TENM4: variants seen among roughly 807,000 people sequenced by gnomAD.
TENM4 encodes teneurin transmembrane protein 4.
In TENM4, 82 loss-of-function variants were observed where a neutral mutation model predicts 243.3. The observed-to-expected ratio is 0.34, with a 90% CI of 0.28 to 0.40. The LOEUF is 0.40. Ranked by LOEUF, TENM4 falls within the 10% of genes least tolerant of loss-of-function variation. The pLI, the probability that TENM4 is intolerant of heterozygous loss-of-function variation, is 1.00. For synonymous variants in TENM4, 1,412 were observed against 1,456.3 expected (o/e 0.97, Z 0.69); for missense variants, 3,138 against 3,673.3 (o/e 0.85, Z 3.77).
chr11:79,141,876 T>C (rs1026070582), intron 4 of TENM4, among the ~76,000 whole-genome samples: 5 of 152,104 alleles, frequency 3.3e-5, no homozygotes, highest in African/African-American at 1.2e-4. Context: ...ATCATATTAA[T>C]AGAATGAAGA....
intron 10 of TENM4, among the ~76,000 whole-genome samples, chr11:78,858,646 T>G (rs1858738272): frequency 6.6e-6 from 1 of 152,136 alleles, no homozygotes; most frequent in African/African-American, 2.4e-5. Context: ...TGTCCTTAAT[T>G]CTGAGCACAA....
chr11:78,875,486 A>T (rs942612217), intron 9 of TENM4, among the ~76,000 whole-genome samples: 1 of 152,178 alleles, frequency 6.6e-6, no homozygotes, highest in East Asian at 1.9e-4. Flanking sequence ...TTACAGGTGT[A>T]AGCCACTGTG....
intron 15 of TENM4, among the ~76,000 whole-genome samples, chr11:78,789,974 A>G (rs1301626225): frequency 2.6e-5 from 4 of 152,200 alleles, no homozygotes; most frequent in Non-Finnish European, 5.9e-5. Flanking sequence ...AATGATGATG[A>G]CAACCACTTC....
intron 1 of TENM4, among the ~76,000 whole-genome samples, chr11:79,346,613 G>C (rs574147602): frequency 6.6e-6 from 1 of 152,166 alleles, no homozygotes; most frequent in East Asian, 1.9e-4. Context: ...CCATGTCCCT[G>C]TTCCCAAAGC....
intron 4 of TENM4, among the ~76,000 whole-genome samples, chr11:79,073,071 T>C (rs1306036459): frequency 6.6e-6 from 1 of 152,210 alleles, no homozygotes; most frequent in East Asian, 1.9e-4. Context: ...CAAGGTTACA[T>C]GGCCCTGGCA....
rs1860502219 is a variant in TENM4, at chr11:79,074,944, TG to T, written c.-65-4936del. On this transcript the variant is annotated intron_variant, in intron 4 of 33. Coordinates refer to ENST00000278550, the MANE Select transcript of TENM4 (RefSeq NM_001098816.3). ...AGCCCAGGCGTCTCACCATCAGGGC[TG>T]GCTCTCAGACCCTGCTGCACCTCCG... is the stretch of plus-strand genomic sequence containing the variant. 2.0e-5 allele frequency among the ~76,000 whole-genome samples: 3 copies of T among 152,336 alleles called. No individual in the cohort carries two copies. The East Asian group carries it at 5.8e-4, about 29-fold the overall frequency.
chr11:78,823,167 G>A (rs1857772808), intron 12 of TENM4, among the ~76,000 whole-genome samples: 1 of 152,188 alleles, frequency 6.6e-6, no homozygotes, highest in Non-Finnish European at 1.5e-5. Context: ...AGAGCACTAG[G>A]CCCTTCTGAG....
intron 26 of TENM4, among the ~76,000 whole-genome samples, chr11:78,709,421 A>G (rs919046351): frequency 1.3e-5 from 2 of 152,280 alleles, no homozygotes; most frequent in African/African-American, 4.8e-5. Flanking sequence ...TCATTACTCA[A>G]CATCACCTGC....
At chr11:79,353,925 G>A (rs867967374) in intron 1 of TENM4, among the ~76,000 whole-genome samples, 18 of 152,284 alleles carry the variant, frequency 1.2e-4, no homozygotes, top group Admixed American at 2.0e-4. Flanking sequence ...GAGCTGAGTC[G>A]TTGTGACAAA....
At chr11:79,254,058 G>A (rs1184647917) in intron 2 of TENM4, among the ~76,000 whole-genome samples, 1 of 152,166 alleles carries the variant, frequency 6.6e-6, no homozygotes, top group African/African-American at 2.4e-5. Flanking sequence ...CAGGAAAGGG[G>A]CATCCTCATA....
chr11:79,086,767 G>C (rs1361183879), intron 4 of TENM4, among the ~76,000 whole-genome samples: 1 of 150,170 alleles, frequency 6.7e-6, no homozygotes, highest in African/African-American at 2.5e-5. Flanking sequence ...CTGAAAGGCG[G>C]AGGTTGCAGT....
chr11:78,802,771 G>T (rs1348003038), intron 15 of TENM4, among the ~76,000 whole-genome samples: 1 of 152,192 alleles, frequency 6.6e-6, no homozygotes, highest in Non-Finnish European at 1.5e-5. Flanking sequence ...CTCAACAAAC[G>T]CCAATTGTTT....
chr11:78,791,318 G>T (rs1003549404), intron 15 of TENM4, among the ~76,000 whole-genome samples: 1 of 152,164 alleles, frequency 6.6e-6, no homozygotes, highest in African/African-American at 2.4e-5. Context: ...TGACATTAAA[G>T]CAGATAAAAT....
At chr11:79,157,157 A>G (rs1262808125) in intron 3 of TENM4, among the ~76,000 whole-genome samples, 1 of 152,190 alleles carries the variant, frequency 6.6e-6, no homozygotes, top group Non-Finnish European at 1.5e-5. Flanking sequence ...TGCAGGACAC[A>G]GAGCCCAGGA....
At chr11:78,869,558 C>T (rs1046348048) in intron 9 of TENM4, among the ~76,000 whole-genome samples, 47 of 152,148 alleles carry the variant, frequency 3.1e-4, no homozygotes, top group African/African-American at 1.1e-3. Flanking sequence ...GCCTTGTGTC[C>T]GACCCCAGAC....
chr11:79,238,502 C>G (rs1359896774), intron 2 of TENM4, among the ~76,000 whole-genome samples: 7 of 152,064 alleles, frequency 4.6e-5, no homozygotes, highest in Non-Finnish European at 1.0e-4. Context: ...GGTTCTCGAG[C>G]CTTTTGACTC....
intron 1 of TENM4, among the ~76,000 whole-genome samples, chr11:79,323,579 G>A (rs1041026801): frequency 5.3e-5 from 8 of 152,174 alleles, no homozygotes; most frequent in African/African-American, 1.2e-4. Context: ...GTACCCAATC[G>A]CTTGGTCAAA....
chr11:79,282,466 T>G (rs1297043530), intron 2 of TENM4, among the ~76,000 whole-genome samples: 1 of 152,228 alleles, frequency 6.6e-6, no homozygotes, highest in Non-Finnish European at 1.5e-5. Flanking sequence ...GGGACTCACA[T>G]CATTATCTTT....
chr11:79,146,492 C>G (rs1442926475), intron 4 of TENM4, among the ~76,000 whole-genome samples: 1 of 152,082 alleles, frequency 6.6e-6, no homozygotes, highest in Non-Finnish European at 1.5e-5. Flanking sequence ...GAAATTAGCC[C>G]TTTCAACAGG....
Sources: gnomAD v4.1 joint callset for allele counts (sites outside exome capture counted in the v4.1 genomes callset) on GRCh38, gnomAD v4.1.1 for gene constraint, MANE v1.5 for transcripts, NCBI Gene and HGNC (gene_info 2026-07-23, HGNC 2026-07-21) for gene names.